Variants in HEPACAM observed in about 807,000 individuals in gnomAD.
HEPACAM encodes the protein hepatocyte cell adhesion molecule.
Under a neutral mutation model 38.3 loss-of-function variants are expected in HEPACAM, and 18 were observed. That is an observed-to-expected ratio of 0.47 (90% confidence interval 0.33 to 0.70). The LOEUF is 0.70. HEPACAM is among the 30% of genes least tolerant of loss of function. HEPACAM has a pLI of 0.03. For synonymous variants in HEPACAM, 216 were observed against 243.1 expected, an observed-to-expected ratio of 0.89 and a Z score of 1.04; for missense variants, 466 against 563.0, an observed-to-expected ratio of 0.83 and a Z score of 1.74.
In HEPACAM at chr11:124,920,678, C is replaced by CAAAAAAAAAAAAAAAA. The variant is rs71042463; in HGVS notation, c.*444_*459dup. 5 of 575,246 alleles carry CAAAAAAAAAAAAAAAA rather than the reference C, an allele frequency of 8.7e-6. No individual in the cohort carries two copies. Among genetic ancestry groups the CAAAAAAAAAAAAAAAA allele is most frequent in the African/African-American group, 4.6e-5 (1 of 21,520 alleles). The allele number at this position is 575,246 out of a possible 1,614,324, so 35.6% of individuals were successfully genotyped here. A position where few individuals can be genotyped will look rare whatever the true frequency, so the allele number is the denominator to read the frequency against. Reference sequence around the variant, plus strand: ...AAGTGGCCTCTCTAATCTGAACTTGCAAAAAAAAAAAAAAAAAAAAAAAAA... The same window carrying CAAAAAAAAAAAAAAAA: ...AAGTGGCCTCTCTAATCTGAACTTGCAAAAAAAAAAAAAAAAAAAAAAAAAAAAAAAAAAAAAAAAA... On this transcript the variant is annotated 3_prime_UTR_variant, in exon 7 of 7. Coordinates refer to ENST00000298251, the MANE Select transcript of HEPACAM (RefSeq NM_152722.5).
rs1450795514 is a variant in HEPACAM, at chr11:124,921,180, G to T, written c.1209C>A (p.Ile403=). The change falls in exon 7 of 7, where the codon ATC becomes ATA. Residue 403 remains isoleucine (I), a synonymous_variant. Coordinates refer to ENST00000298251, the MANE Select transcript of HEPACAM (RefSeq NM_152722.5). The surrounding 1 kb of genome is among the most constrained non-coding windows in gnomAD (Gnocchi z 4.6). ...CCGGGCCGGCCTCGTCTTGCTCGCG[G>T]ATTATGTGCACGCCCGCAGTCCGCA... is the stretch of plus-strand genomic sequence containing the variant. ...RTLRTAGVHI[I]REQDEAGPVE... 1 of 1,527,812 alleles carries T rather than the reference G, an allele frequency of 6.5e-7. No homozygotes were observed. The highest frequency in any genetic ancestry group is 8.7e-7 in the Non-Finnish European group (1 of 1,144,502). The allele number at this position is 1,527,812 out of a possible 1,614,324, so 94.6% of individuals were successfully genotyped here.
chr11:124,927,523 G>T (rs4294573), intron 1 of HEPACAM, among the ~76,000 whole-genome samples: 53,635 of 94,998 alleles, frequency 0.56, 13,592 homozygotes, highest in Non-Finnish European at 0.58. Flanking sequence ...TTTTTTTTTT[G>T]TTTTTTTTTT....
chr11:124,934,779 C>T (rs927966722), intron 1 of HEPACAM, among the ~76,000 whole-genome samples: 1 of 152,036 alleles, frequency 6.6e-6, no homozygotes, highest in Admixed American at 6.6e-5. Flanking sequence ...ATTTTATTTG[C>T]CTCCAGTTTC....
intron 1 of HEPACAM, among the ~76,000 whole-genome samples, chr11:124,925,982 C>A (rs1046140601): frequency 6.6e-6 from 1 of 152,210 alleles, no homozygotes; most frequent in Non-Finnish European, 1.5e-5. Context: ...GGGCAGATCA[C>A]CTGAGGTCAG....
intron 1 of HEPACAM, among the ~76,000 whole-genome samples, chr11:124,925,927 G>A (rs11219840): frequency 0.14 from 21,940 of 152,238 alleles, 1,771 homozygotes; most frequent in Non-Finnish European, 0.18. Flanking sequence ...AAGGCTGGGC[G>A]CGGTGGCTCA....
chr11:124,920,945 CA>C lies in HEPACAM; in HGVS notation c.*192del. 7.3e-7 allele frequency: 1 copy of C among 1,361,342 alleles called. No individual in the cohort carries two copies. Among genetic ancestry groups the C allele is most frequent in the South Asian group, 1.7e-5 (1 of 57,368 alleles). 84.3% of individuals were successfully genotyped at this position (1,361,342 alleles called of 1,614,324 possible). On this transcript the variant is annotated 3_prime_UTR_variant, in exon 7 of 7. Transcript: ENST00000298251. ...GGAAGCAAATGCGACCCGGTTTCAC[CA>C]TATCAACACTGCCGCCTCCGCGCAC...
chr11:124,927,030 G>A (rs1431399711), intron 1 of HEPACAM, among the ~76,000 whole-genome samples: 3 of 151,968 alleles, frequency 2.0e-5, no homozygotes, highest in South Asian at 2.1e-4. Flanking sequence ...CACCACGCCC[G>A]GCCAATTTTT....
In HEPACAM at chr11:124,924,514, T is replaced by C. The variant is rs1282890950; in HGVS notation, c.427+214A>G. 4.8e-6 allele frequency: 3 copies of C among 629,572 alleles called. No individual in the cohort carries two copies. The highest frequency in any genetic ancestry group is 2.4e-5 in the Admixed American group (1 of 41,406). The allele number at this position is 629,572 out of a possible 1,614,324, so 39.0% of individuals were successfully genotyped here. ...TATAAGCATTAAATGAGTCAACATA[T>C]GCAAAGCACTTAGAATAGTTTCTGG... On this transcript the variant is annotated intron_variant, in intron 2 of 6. Transcript: ENST00000298251. The surrounding 1 kb of genome is among the most constrained non-coding windows in gnomAD (Gnocchi z 4.4).
chr11:124,931,240 C>T lies in HEPACAM; in HGVS notation c.85+4682G>A, dbSNP rs142157249. 3.3e-5 allele frequency among the ~76,000 whole-genome samples: 5 copies of T among 152,222 alleles called. No homozygotes were observed. In the East Asian group the frequency reaches 9.6e-4, roughly 29 times the overall value. On this transcript the variant is annotated intron_variant, in intron 1 of 6. Coordinates refer to ENST00000298251, the MANE Select transcript of HEPACAM (RefSeq NM_152722.5). Reference sequence around the variant, plus strand: ...CTTTTTTTTCAGTGACAAGGTGTCACCCTATTGCCCAGGCTGGACTGCAGT... The same window carrying T: ...CTTTTTTTTCAGTGACAAGGTGTCATCCTATTGCCCAGGCTGGACTGCAGT...
rs995481528 is a variant in HEPACAM, at chr11:124,921,250, C to G, written c.1139G>C (p.Arg380Thr). The change falls in exon 7 of 7, where the codon AGG becomes ACG. Residue 380 changes from arginine (R) to threonine (T), a missense_variant. By Grantham distance (71) the Arg-to-Thr change is moderately conservative (BLOSUM62 -1). Transcript: ENST00000298251. This position sits in a 1 kb window ranked among gnomAD's most constrained non-coding sequence, Gnocchi z 4.6. ...ATGRTHSSPP[R>T]APSSPGRSRS... ...CGAGCGGCCGGGCGAGCTCGGGGCCCTGGGCGGCGACGAGTGTGTCCGGCC... is the reference window on the plus strand; with the variant it reads ...CGAGCGGCCGGGCGAGCTCGGGGCCGTGGGCGGCGACGAGTGTGTCCGGCC... The G allele has an allele frequency of 6.2e-6, 9 of 1,442,356 alleles. No homozygotes were observed. The African/African-American group carries it at 1.3e-4, about 21-fold the overall frequency. 89.3% of individuals were successfully genotyped at this position (1,442,356 alleles called of 1,614,324 possible). A position where few individuals can be genotyped will look rare whatever the true frequency, so the allele number is the denominator to read the frequency against.
rs1280078304 is a variant in HEPACAM, at chr11:124,920,912, A to G, written c.*226T>C. The G allele has an allele frequency of 1.4e-5, 19 of 1,355,960 alleles. No individual in the cohort carries two copies. The highest frequency in any genetic ancestry group is 1.8e-5 in the Non-Finnish European group (19 of 1,057,286). 84.0% of individuals were successfully genotyped at this position (1,355,960 alleles called of 1,614,324 possible). On this transcript the variant is annotated 3_prime_UTR_variant, in exon 7 of 7. Coordinates refer to ENST00000298251, the MANE Select transcript of HEPACAM (RefSeq NM_152722.5). ...ACCTATACCAAGTGAGGACACAGCC[A>G]GTAAACCGGAAGCAAATGCGACCCG...
intron 1 of HEPACAM, among the ~76,000 whole-genome samples, chr11:124,925,830 G>T (rs576096892): frequency 7.2e-5 from 11 of 152,300 alleles, no homozygotes; most frequent in Non-Finnish European, 1.5e-4. Flanking sequence ...ATCAGAAAAA[G>T]CTTTTTCATG....
intron 1 of HEPACAM, among the ~76,000 whole-genome samples, chr11:124,935,307 TTG>T (rs57032842): frequency 0.47 from 71,111 of 150,676 alleles, 17,105 homozygotes; most frequent in Non-Finnish European, 0.53. Flanking sequence ...TGCTCTGTAA[TTG>T]TGTGTGTGTG....
chr11:124,921,144 G>A lies in HEPACAM; in HGVS notation c.1245C>T (p.Ser415=). 1 of 1,526,900 alleles carries A rather than the reference G, an allele frequency of 6.5e-7. No homozygotes were observed. Among genetic ancestry groups the A allele is most frequent in the Non-Finnish European group, 8.7e-7 (1 of 1,143,926 alleles). The allele number at this position is 1,526,900 out of a possible 1,614,324, so 94.6% of individuals were successfully genotyped here. Residue 415 remains serine (S), a synonymous_variant, in exon 7 of 7, where the codon AGC becomes AGT. Coordinates refer to ENST00000298251, the MANE Select transcript of HEPACAM (RefSeq NM_152722.5). The surrounding 1 kb of genome is among the most constrained non-coding windows in gnomAD (Gnocchi z 4.6). ...EQDEAGPVEI[S]A is the part of the protein sequence containing the mutation. ...CAGGGGATCCCGAGGCGGCTCAGGC[G>A]CTGATCTCCACCGGGCCGGCCTCGT... is the stretch of plus-strand genomic sequence containing the variant.
Position 124,921,124 on chromosome 11 carries a change from G to C in HEPACAM, c.*14C>G, listed in dbSNP as rs1170121689. The C allele has an allele frequency of 6.6e-7, 1 of 1,524,850 alleles. No homozygotes were observed. The highest frequency in any genetic ancestry group is 2.0e-5 in the Admixed American group (1 of 50,690). 94.5% of individuals were successfully genotyped at this position (1,524,850 alleles called of 1,614,324 possible). A position where few individuals can be genotyped will look rare whatever the true frequency, so the allele number is the denominator to read the frequency against. On this transcript the variant is annotated 3_prime_UTR_variant, in exon 7 of 7. Coordinates refer to ENST00000298251, the MANE Select transcript of HEPACAM (RefSeq NM_152722.5). This position sits in a 1 kb window ranked among gnomAD's most constrained non-coding sequence, Gnocchi z 4.6. Reference sequence around the variant, plus strand: ...CGCAGACCGCGGGCGCCTCTCAGGGGATCCCGAGGCGGCTCAGGCGCTGAT... The same window carrying C: ...CGCAGACCGCGGGCGCCTCTCAGGGCATCCCGAGGCGGCTCAGGCGCTGAT...
chr11:124,935,029 T>C (rs1160767717), intron 1 of HEPACAM, among the ~76,000 whole-genome samples: 2 of 152,142 alleles, frequency 1.3e-5, no homozygotes. Flanking sequence ...TTCCCAACCC[T>C]AACACCCACT....
chr11:124,923,067 T>C (rs1006552230), intron 4 of HEPACAM, among the ~76,000 whole-genome samples: 1 of 152,160 alleles, frequency 6.6e-6, no homozygotes, highest in African/African-American at 2.4e-5. Context: ...AAACTACAGA[T>C]AATCATACTT....
Position 124,924,035 on chromosome 11 carries a change from TG to T in HEPACAM, c.428-26del. The T allele has an allele frequency of 6.3e-7, 1 of 1,591,804 alleles. No homozygotes were observed. Among genetic ancestry groups the T allele is most frequent in the East Asian group, 2.3e-5 (1 of 44,140 alleles). On this transcript the variant is annotated intron_variant, in intron 2 of 6. Coordinates refer to ENST00000298251, the MANE Select transcript of HEPACAM (RefSeq NM_152722.5). This position sits in a 1 kb window ranked among gnomAD's most constrained non-coding sequence, Gnocchi z 4.4. ...ACTGAGCCGCAGGAATGGGGGAGCC[TG>T]TAAGTCATTGGCTAAGAAGTGTCTC...
In HEPACAM at chr11:124,924,028, G is replaced by C. The variant is rs1348313773; in HGVS notation, c.428-18C>G. 2 of 1,599,626 alleles carry C rather than the reference G, an allele frequency of 1.3e-6. No individual in the cohort carries two copies. Among genetic ancestry groups the C allele is most frequent in the Non-Finnish European group, 1.7e-6 (2 of 1,176,290 alleles). On this transcript the variant is annotated intron_variant, in intron 2 of 6. Coordinates refer to ENST00000298251, the MANE Select transcript of HEPACAM (RefSeq NM_152722.5). The surrounding 1 kb of genome is among the most constrained non-coding windows in gnomAD (Gnocchi z 4.4). The stretch of plus-strand genomic sequence containing the variant: ...AATGGGCACTGAGCCGCAGGAATGG[G>C]GGAGCCTGTAAGTCATTGGCTAAGA...
Sources: gnomAD v4.1 joint callset for allele counts (sites outside exome capture counted in the v4.1 genomes callset) on GRCh38, gnomAD v4.1.1 for gene constraint, Gnocchi (gnomAD v3.1) non-coding constraint, MANE v1.5 for transcripts, NCBI Gene and HGNC (gene_info 2026-07-23, HGNC 2026-07-21) for gene names.